Variants in COL23A1 observed in about 807,000 individuals in gnomAD.
COL23A1 encodes collagen alpha-1(XXIII) chain.
In COL23A1, 97 loss-of-function variants were observed where a neutral mutation model predicts 99.3. The observed-to-expected ratio is 0.98, with a 90% CI of 0.83 to 1.16. The LOEUF is 1.16. Among genes scored for constraint, COL23A1 ranks in the 50% most tolerant of loss-of-function variants. The probability of loss-of-function intolerance (pLI) is 0.00; values close to 1 mark genes in which losing one functional copy is unlikely to be tolerated. For missense variants in COL23A1, 762 were observed against 757.4 expected (o/e 1.01, Z -0.07); for synonymous variants, 320 against 308.2 (o/e 1.04, Z -0.40).
chr5:178,249,189 T>G lies in COL23A1; in HGVS notation c.1077A>C (p.Lys359Asn). ...IDGEKGPKGQ[K>N]GDPGEPGPAG... ...CTGGCCCAGGCTCTCCTGGGTCTCC[T>G]TTCTGTCCTTTGGGGCCCTGAAAGC... The change falls in exon 19 of 29, where the codon AAA (lysine) becomes AAC (asparagine). Residue 359 changes from lysine to asparagine, a missense_variant. Transcript: ENST00000390654. 1 of 1,614,224 alleles carries G rather than the reference T, an allele frequency of 6.2e-7. No homozygotes were observed. Among genetic ancestry groups the G allele is most frequent in the Non-Finnish European group, 8.5e-7 (1 of 1,180,010 alleles).
intron 2 of COL23A1, among the ~76,000 whole-genome samples, chr5:178,321,698 C>T (rs1236527826): frequency 6.6e-6 from 1 of 151,664 alleles, no homozygotes; most frequent in African/African-American, 2.4e-5. Flanking sequence ...ACTGTGTTAG[C>T]CAGGATGGTC....
chr5:178,359,406 C>T (rs1762056604), intron 2 of COL23A1, among the ~76,000 whole-genome samples: 1 of 152,122 alleles, frequency 6.6e-6, no homozygotes, highest in Non-Finnish European at 1.5e-5. Flanking sequence ...TGGGTGCCTG[C>T]AATCCCAGCT....
intron 2 of COL23A1, among the ~76,000 whole-genome samples, chr5:178,327,960 C>G (rs944987040): frequency 1.3e-5 from 2 of 152,234 alleles, no homozygotes; most frequent in Non-Finnish European, 2.9e-5. Flanking sequence ...GCTTTCCCAG[C>G]TAGGGCTGAA....
chr5:178,585,638 C>T (rs62391105), intron 1 of COL23A1, among the ~76,000 whole-genome samples: 860 of 7,018 alleles, frequency 0.12, 10 homozygotes, highest in African/African-American at 0.32. Flanking sequence ...GGTAACACTC[C>T]ACAGCCCTGG....
rs910373932 is a variant in COL23A1, at chr5:178,512,805, C to T, written c.361+47877G>A. 7.9e-5 allele frequency among the ~76,000 whole-genome samples: 12 copies of T among 152,194 alleles called. No individual in the cohort carries two copies. In the East Asian group the frequency reaches 1.2e-3, roughly 15 times the overall value. The stretch of plus-strand genomic sequence containing the variant: ...GACAACAGAGCACTCACTGAGTACC[C>T]GTGACCCAATCTGACAGGACTGACA... On this transcript the variant is annotated intron_variant, in intron 2 of 28. Transcript: ENST00000390654.
At chr5:178,278,504 T>A (rs1057503490) in intron 5 of COL23A1, among the ~76,000 whole-genome samples, 1 of 152,200 alleles carries the variant, frequency 6.6e-6, no homozygotes, top group Non-Finnish European at 1.5e-5. Context: ...GGTGCCCCGA[T>A]TCACCCCAGG....
At chr5:178,527,600 C>T (rs1037918442) in intron 2 of COL23A1, among the ~76,000 whole-genome samples, 3 of 152,224 alleles carry the variant, frequency 2.0e-5, no homozygotes, top group Non-Finnish European at 4.4e-5. Flanking sequence ...CGGTTACCAA[C>T]GAGGGGCCAG....
Position 178,310,939 on chromosome 5 carries a change from G to A in COL23A1, c.362-4020C>T, listed in dbSNP as rs772145258. On this transcript the variant is annotated intron_variant, in intron 2 of 28. Transcript: ENST00000390654. This position sits in a 1 kb window ranked among gnomAD's most constrained non-coding sequence, Gnocchi z 4.3. Reference sequence around the variant, plus strand: ...ACTGGGAGTCTGTCTTGATTGATCTGCTCATGTGGAGAAGGGGAAACTGAG... The same window carrying A: ...ACTGGGAGTCTGTCTTGATTGATCTACTCATGTGGAGAAGGGGAAACTGAG... 6.6e-6 allele frequency among the ~76,000 whole-genome samples: 1 copy of A among 152,276 alleles called. No individual in the cohort carries two copies. The highest frequency in any genetic ancestry group is 2.1e-4 in the South Asian group (1 of 4,828).
intron 2 of COL23A1, among the ~76,000 whole-genome samples, chr5:178,372,333 T>C (rs914288130): frequency 6.6e-6 from 1 of 152,256 alleles, no homozygotes; most frequent in Non-Finnish European, 1.5e-5. Flanking sequence ...TTCTGTTTCT[T>C]ATTAAAGTTT....
chr5:178,548,096 T>G (rs1334759588), intron 2 of COL23A1, among the ~76,000 whole-genome samples: 1 of 100,064 alleles, frequency 1.0e-5, no homozygotes, highest in Non-Finnish European at 2.0e-5. Flanking sequence ...CTATTGGTTC[T>G]GTTTCTCTGG....
At chr5:178,535,641 A>C (rs1353664017) in intron 2 of COL23A1, among the ~76,000 whole-genome samples, 1 of 152,260 alleles carries the variant, frequency 6.6e-6, no homozygotes, top group Non-Finnish European at 1.5e-5. Context: ...GAACATGCAA[A>C]CACTGGGAAA....
chr5:178,240,415 C>T (rs1764330180), intron 27 of COL23A1, among the ~76,000 whole-genome samples: 1 of 152,186 alleles, frequency 6.6e-6, no homozygotes, highest in African/African-American at 2.4e-5. Flanking sequence ...CCCCGAAGGC[C>T]CACACAGCAC....
At chr5:178,557,380 T>C (rs2113532399) in intron 2 of COL23A1, among the ~76,000 whole-genome samples, 1 of 152,324 alleles carries the variant, frequency 6.6e-6, no homozygotes, top group South Asian at 2.1e-4. Flanking sequence ...GACATATCTT[T>C]TGAGGGCGAC....
chr5:178,254,689 CCT>C (rs1324355539), intron 16 of COL23A1, among the ~76,000 whole-genome samples: 13 of 152,276 alleles, frequency 8.5e-5, no homozygotes, highest in Admixed American at 2.6e-4. Flanking sequence ...GCCTCCTGCC[CCT>C]GAGTGGGGAG....
chr5:178,298,931 T>C (rs565883956), intron 3 of COL23A1, among the ~76,000 whole-genome samples: 125 of 152,362 alleles, frequency 8.2e-4, no homozygotes, highest in African/African-American at 2.9e-3. Flanking sequence ...ACTGAGACGA[T>C]CATGTGGTTT....
At chr5:178,362,463 CTCT>C (rs1169521208) in intron 2 of COL23A1, among the ~76,000 whole-genome samples, 1 of 149,960 alleles carries the variant, frequency 6.7e-6, no homozygotes, top group Non-Finnish European at 1.5e-5. Context: ...CAGCCACTCT[CTCT>C]TTTTTTTGCC....
chr5:178,398,807 C>G (rs112546783), intron 2 of COL23A1, among the ~76,000 whole-genome samples: 6 of 152,328 alleles, frequency 3.9e-5, no homozygotes, highest in African/African-American at 1.4e-4. Context: ...GGAAAGGGAT[C>G]CCCTAGGCAC....
intron 2 of COL23A1, among the ~76,000 whole-genome samples, chr5:178,538,692 T>C (rs1761114678): frequency 6.6e-6 from 1 of 152,228 alleles, no homozygotes; most frequent in South Asian, 2.1e-4. Context: ...TAAAAAATAA[T>C]GAAGCACGTG....
intron 2 of COL23A1, among the ~76,000 whole-genome samples, chr5:178,526,107 A>G (rs1287125555): frequency 2.0e-5 from 3 of 152,250 alleles, no homozygotes; most frequent in Non-Finnish European, 4.4e-5. Context: ...GGCTTCCTGA[A>G]GGAGAGAGGG....
Sources: allele counts gnomAD v4.1 joint callset (sites outside exome capture counted in the v4.1 genomes callset), GRCh38; gene constraint gnomAD v4.1.1; non-coding constraint Gnocchi (gnomAD v3.1); transcripts MANE v1.5; gene names NCBI Gene and HGNC (gene_info 2026-07-23, HGNC 2026-07-21).